Variants in TANC2 observed in about 807,000 individuals in gnomAD.
TANC2 encodes protein TANC2.
In TANC2, 26 loss-of-function variants were observed where a neutral mutation model predicts 210.5. The observed-to-expected ratio is 0.12, with a 90% CI of 0.09 to 0.17. The LOEUF (loss-of-function observed/expected upper bound fraction) is 0.17, where lower values mean the gene tolerates loss of function less well. Ranked by LOEUF, TANC2 falls within the 10% of genes least tolerant of loss-of-function variation. The probability of loss-of-function intolerance (pLI) is 1.00; values close to 1 mark genes in which losing one functional copy is unlikely to be tolerated. For synonymous variants in TANC2, 931 were observed against 967.1 expected (o/e 0.96, Z 0.69); for missense variants, 2,129 against 2,608.9 (o/e 0.82, Z 4.01).
chr17:63,253,649 G>T (rs1225228695), intron 8 of TANC2, among the ~76,000 whole-genome samples: 1 of 152,028 alleles, frequency 6.6e-6, no homozygotes, highest in East Asian at 1.9e-4. Context: ...ATCTCGCTCT[G>T]TCACCCAGGC....
chr17:63,364,251 G>C (rs1363865635), intron 14 of TANC2, among the ~76,000 whole-genome samples: 1 of 152,098 alleles, frequency 6.6e-6, no homozygotes, highest in South Asian at 2.1e-4. Flanking sequence ...AGTTTGTTTT[G>C]TCTCAGCATA....
chr17:63,264,222 A>C (rs1006610064), intron 8 of TANC2, among the ~76,000 whole-genome samples: 5 of 152,218 alleles, frequency 3.3e-5, no homozygotes, highest in African/African-American at 7.2e-5. Flanking sequence ...AGTTAAAGCA[A>C]GTCAAATGAT....
At chr17:63,407,187 TTAAG>T (rs1322758677) in intron 21 of TANC2, among the ~76,000 whole-genome samples, 1 of 152,228 alleles carries the variant, frequency 6.6e-6, no homozygotes, top group Non-Finnish European at 1.5e-5. Flanking sequence ...GCTGTATCCC[TTAAG>T]TAAGATTTTT....
intron 2 of TANC2, among the ~76,000 whole-genome samples, chr17:63,040,844 G>A (rs2035159114): frequency 6.6e-6 from 1 of 152,144 alleles, no homozygotes; most frequent in Non-Finnish European, 1.5e-5. Flanking sequence ...TAGTAAATTG[G>A]AGTATGACAT....
At chr17:62,985,541 T>G (rs2032526820) in intron 1 of TANC2, among the ~76,000 whole-genome samples, 1 of 152,168 alleles carries the variant, frequency 6.6e-6, no homozygotes, top group Admixed American at 6.5e-5. Flanking sequence ...CCATAAATCC[T>G]ATAGGCTTTC....
chr17:63,355,190 T>A lies in TANC2; in HGVS notation c.2382T>A (p.Asp794Glu), dbSNP rs1221807877. ...TGGCCTCTCTCCACCCACTGACTGA[T>A]GAGCATATCTTCCAGGCCATCAATG... is the stretch of plus-strand genomic sequence containing the variant. Residue 794 changes from aspartate to glutamate, a missense_variant, in exon 14 of 28, where the codon GAT becomes GAA. Physicochemically the swap from Asp to Glu is conservative, Grantham distance 45. This residue lies in a region of TANC2 where 644 missense variants were observed against 937.5 expected (regional missense o/e 0.69). Coordinates refer to ENST00000689528, the Ensembl canonical transcript of TANC2. The A allele has an allele frequency of 3.7e-6, 6 of 1,613,730 alleles. No homozygotes were observed. In the Middle Eastern group the frequency reaches 4.9e-4, roughly 133 times the overall value.
At chr17:63,414,922 C>G (rs768888436) in intron 25 of TANC2, among the ~76,000 whole-genome samples, 1 of 152,310 alleles carries the variant, frequency 6.6e-6, no homozygotes, top group East Asian at 1.9e-4. Context: ...CAGATGGAAT[C>G]ACAAACTCTA....
chr17:63,352,239 C>T (rs1453976500), intron 13 of TANC2, among the ~76,000 whole-genome samples: 1 of 151,946 alleles, frequency 6.6e-6, no homozygotes, highest in South Asian at 2.1e-4. Context: ...GGATGCAGCC[C>T]CCTTGTCATA....
chr17:63,179,901 C>T (rs1010669278), intron 5 of TANC2, among the ~76,000 whole-genome samples: 1 of 150,032 alleles, frequency 6.7e-6, no homozygotes, highest in African/African-American at 2.5e-5. Context: ...AATCTCAGCT[C>T]TTTGGGAGGT....
In TANC2 at chr17:63,200,782, C is replaced by T. The variant is rs189853609; in HGVS notation, c.594C>T (p.Ile198=). The T allele has an allele frequency of 2.4e-3, 3,915 of 1,612,358 alleles. 9 individuals are homozygous for T. The highest frequency in any genetic ancestry group is 3.0e-3 in the Non-Finnish European group (3,530 of 1,179,212). ...TTCCAATTTTTCAGACCTCAGCAAT[C>T]ACCCAGCGGATAAGTCCTTGTTCCA... Residue 198 remains isoleucine, a synonymous_variant, in exon 7 of 28, where the codon ATC becomes ATT. Transcript: ENST00000689528.
At chr17:63,231,761 A>G (rs2042482815) in intron 7 of TANC2, among the ~76,000 whole-genome samples, 1 of 152,130 alleles carries the variant, frequency 6.6e-6, no homozygotes, top group South Asian at 2.1e-4. Context: ...CTCATGGAGT[A>G]TCTTACTGTG....
intron 9 of TANC2, among the ~76,000 whole-genome samples, chr17:63,282,450 G>A (rs553366431): frequency 6.6e-6 from 1 of 151,974 alleles, no homozygotes; most frequent in Non-Finnish European, 1.5e-5. Flanking sequence ...ATATCTCAGG[G>A]TCTCTATTTC....
rs749465741 is a variant in TANC2 at position 63,355,418 on chromosome 17, T to C, written c.2582+28T>C. 3 of 1,504,932 alleles carry C rather than the reference T, an allele frequency of 2.0e-6. No individual in the cohort carries two copies. The Admixed American group carries it at 6.6e-5, about 33-fold the overall frequency. The allele number at this position is 1,504,932 out of a possible 1,614,324, so 93.2% of individuals were successfully genotyped here. ...AAGACATATATCTGTGATAAACAAT[T>C]CTGAGTCTGTTTTCTGTTTATTGCA... On this transcript the variant is annotated intron_variant, in intron 14 of 27. Coordinates refer to ENST00000689528, the Ensembl canonical transcript of TANC2.
intron 9 of TANC2, among the ~76,000 whole-genome samples, chr17:63,314,186 A>G (rs1394383784): frequency 2.0e-5 from 3 of 152,226 alleles, no homozygotes; most frequent in African/African-American, 4.8e-5. Flanking sequence ...GTGTTCTGCA[A>G]TTTACAGTAT....
chr17:63,306,232 A>G (rs1468981553), intron 9 of TANC2, among the ~76,000 whole-genome samples: 2 of 152,188 alleles, frequency 1.3e-5, no homozygotes, highest in African/African-American at 4.8e-5. Flanking sequence ...TTCTAAGGAA[A>G]AATTCATAAG....
At chr17:63,046,444 G>A (rs2035388334) in intron 2 of TANC2, among the ~76,000 whole-genome samples, 3 of 145,264 alleles carry the variant, frequency 2.1e-5, no homozygotes, top group African/African-American at 7.7e-5. Context: ...TGATTCTCCT[G>A]CTGCAGCCTC....
At chr17:63,386,087 A>C (rs2047769051) in intron 15 of TANC2, among the ~76,000 whole-genome samples, 1 of 152,240 alleles carries the variant, frequency 6.6e-6, no homozygotes, top group African/African-American at 2.4e-5. Context: ...GTCGCAAAAT[A>C]TATCAACTTC....
At chr17:63,358,154 G>A (rs1484006985) in intron 14 of TANC2, among the ~76,000 whole-genome samples, 1 of 152,222 alleles carries the variant, frequency 6.6e-6, no homozygotes, top group African/African-American at 2.4e-5. Context: ...TCTGAGAATG[G>A]TGCTGGAAGC....
chr17:63,005,731 T>C (rs1037690831), intron 1 of TANC2, among the ~76,000 whole-genome samples: 18 of 152,150 alleles, frequency 1.2e-4, no homozygotes, highest in East Asian at 5.8e-4. Context: ...TCTTTTCTTA[T>C]AATATCTGTA....
Sources: allele counts gnomAD v4.1 joint callset (sites outside exome capture counted in the v4.1 genomes callset), GRCh38; gene constraint gnomAD v4.1.1; regional missense constraint gnomAD v4.1.1; transcripts MANE v1.5; gene names NCBI Gene and HGNC (gene_info 2026-07-23, HGNC 2026-07-21).